COL22A1: variants seen among roughly 807,000 people sequenced by gnomAD.
COL22A1 encodes collagen alpha-1(XXII) chain.
In COL22A1, 221 loss-of-function variants were observed where a neutral mutation model predicts 248.9. The observed-to-expected ratio is 0.89, with a 90% CI of 0.80 to 0.99. COL22A1 has a LOEUF of 0.99. COL22A1 is among the 50% of genes least tolerant of loss of function. The pLI is 0.00. For missense variants in COL22A1, 2,240 were observed against 2,179.0 expected (o/e 1.03, Z -0.56); for synonymous variants, 891 against 793.4 (o/e 1.12, Z -2.07).
rs146632990 is a variant in COL22A1, at chr8:138,597,052, A to G, written c.4366-82T>C. 3 of 1,178,312 alleles carry G rather than the reference A, an allele frequency of 2.5e-6. No homozygotes were observed. In the African/African-American group the frequency reaches 4.5e-5, roughly 18 times the overall value. 73.0% of individuals were successfully genotyped at this position (1,178,312 alleles called of 1,614,324 possible). A position where few individuals can be genotyped will look rare whatever the true frequency, so the allele number is the denominator to read the frequency against. On this transcript the variant is annotated intron_variant, in intron 61 of 64. Transcript: ENST00000303045. ...AACCCTGAGGACTTGGGAAACCAGG[A>G]AGTTCGTAGGTGGTATATACCCACA...
intron 1 of COL22A1, among the ~76,000 whole-genome samples, chr8:138,906,906 G>A (rs1815073337): frequency 6.6e-6 from 1 of 152,144 alleles, no homozygotes; most frequent in Non-Finnish European, 1.5e-5. Flanking sequence ...TTCCGCCTCG[G>A]CCTCCCAAAG....
rs184795941 is a variant in COL22A1, at chr8:138,733,114, C to G, written c.2139+4410G>C. ...AGGCCCAGGCCCACAGCCCACCCAG[C>G]CTCTTCTCGGGCCAAGCCCTCCCCT... On this transcript the variant is annotated intron_variant, in intron 23 of 64. Coordinates refer to ENST00000303045, the MANE Select transcript of COL22A1 (RefSeq NM_152888.3). Among the ~76,000 whole-genome samples, 1,188 of 152,282 alleles carry G rather than the reference C, an allele frequency of 7.8e-3. 19 individuals carry two copies. Among genetic ancestry groups the G allele is most frequent in the African/African-American group, 0.027 (1,133 of 41,548 alleles).
At chr8:138,619,681 A>C (rs1564104913) in intron 52 of COL22A1, among the ~76,000 whole-genome samples, 173 bp from the exon 53 acceptor site, 1 of 152,144 alleles carries the variant, frequency 6.6e-6, no homozygotes, top group Non-Finnish European at 1.5e-5. Flanking sequence ...TCCACCATGT[A>C]TTCAGGCCTA....
intron 41 of COL22A1, among the ~76,000 whole-genome samples, chr8:138,669,885 CTTTTTTTTT>C (rs34714342): frequency 8.2e-6 from 1 of 121,236 alleles, no homozygotes; most frequent in African/African-American, 3.0e-5. Flanking sequence ...ACTCCTAAGA[CTTTTTTTTT>C]TTTTTTTTTT....
rs1827857411 is a variant in COL22A1, at chr8:138,700,376, C to T, written c.2560-232G>A. Among the ~76,000 whole-genome samples, 3 of 152,204 alleles carry T rather than the reference C, an allele frequency of 2.0e-5. No homozygotes were observed. In the South Asian group the frequency reaches 6.2e-4, roughly 32 times the overall value. On this transcript the variant is annotated intron_variant, in intron 31 of 64. Transcript: ENST00000303045. ...ATTCCGGAGCCCTGGAGGCAAAAGA[C>T]CTGAGCTCCAAACCCTGTGTGACCT...
chr8:138,835,537 C>T (rs187733088), intron 4 of COL22A1, among the ~76,000 whole-genome samples: 87 of 152,278 alleles, frequency 5.7e-4, no homozygotes, highest in Middle Eastern at 3.4e-3. Context: ...TTTCCTGACC[C>T]GCCAGCTGCT....
chr8:138,778,224 C>T (rs1305428886), intron 15 of COL22A1, 129 bp downstream of exon 15: 1 of 934,376 alleles, frequency 1.1e-6, no homozygotes, highest in Non-Finnish European at 1.7e-6. Context: ...GAGATACCAA[C>T]ACTTCATTGG....
In COL22A1 at chr8:138,762,396, C is replaced by T. The variant is rs369025357; in HGVS notation, c.1857+17G>A. The T allele has an allele frequency of 4.5e-4, 722 of 1,613,614 alleles. 9 individuals are homozygous for T. In the South Asian group the frequency reaches 6.5e-3, roughly 15 times the overall value. On this transcript the variant is annotated intron_variant, in intron 17 of 64. Transcript: ENST00000303045. Reference sequence around the variant, plus strand: ...CCGCTGATGAAACCTAGCCCAACAGCGCCAGCACCCACCTACCTGCTGTCC... The same window carrying T: ...CCGCTGATGAAACCTAGCCCAACAGTGCCAGCACCCACCTACCTGCTGTCC...
chr8:138,864,123 G>A (rs963405777), intron 3 of COL22A1, among the ~76,000 whole-genome samples: 5 of 151,970 alleles, frequency 3.3e-5, no homozygotes, highest in Non-Finnish European at 5.9e-5. Context: ...TTCCCATTTG[G>A]ACCCCATGCT....
intron 56 of COL22A1, 106 bp downstream of exon 56, chr8:138,613,760 AT>A: frequency 1.8e-6 from 2 of 1,089,116 alleles, no homozygotes; most frequent in Non-Finnish European, 2.9e-6. Flanking sequence ...ACATATTACA[AT>A]TTTTTAACAA....
At chr8:138,902,737 TATACACACACACACACACACAC>T (rs1296138888) in intron 1 of COL22A1, among the ~76,000 whole-genome samples, 16 of 107,062 alleles carry the variant, frequency 1.5e-4, no homozygotes, top group Admixed American at 1.1e-3. Flanking sequence ...TATATATATA[TATACACACACACACACACACAC>T]ACACACACAC....
chr8:138,856,870 T>C (rs1353555313), intron 3 of COL22A1, among the ~76,000 whole-genome samples: 1 of 152,138 alleles, frequency 6.6e-6, no homozygotes, highest in Non-Finnish European at 1.5e-5. Flanking sequence ...CTGGCAGGCA[T>C]GGATAGGCCT....
At chr8:138,853,880 A>C (rs2131915911) in intron 3 of COL22A1, among the ~76,000 whole-genome samples, 1 of 152,300 alleles carries the variant, frequency 6.6e-6, no homozygotes, top group South Asian at 2.1e-4. Flanking sequence ...TTCCAGCCCA[A>C]GTTTGGCTGA....
chr8:138,705,736 T>C (rs1044723607), intron 30 of COL22A1, among the ~76,000 whole-genome samples: 1 of 152,052 alleles, frequency 6.6e-6, no homozygotes, highest in Non-Finnish European at 1.5e-5. Context: ...ATGAGCAAAA[T>C]AACCAGCTAA....
intron 37 of COL22A1, among the ~76,000 whole-genome samples, chr8:138,688,349 C>A (rs187135646): frequency 1.9e-4 from 29 of 151,966 alleles, no homozygotes; most frequent in African/African-American, 5.5e-4. Context: ...GGTAAAACCC[C>A]GTCTCTGCAA....
intron 12 of COL22A1, among the ~76,000 whole-genome samples, chr8:138,785,002 C>A (rs1166107822): frequency 6.6e-6 from 1 of 152,186 alleles, no homozygotes; most frequent in African/African-American, 2.4e-5. Context: ...GCGTTGCTAT[C>A]CTCACCCTAC....
rs1829425478 is a variant in COL22A1 at position 138,716,291 on chromosome 8, T to C, written c.2401-2A>G. The C allele has an allele frequency of 6.3e-7, 1 of 1,582,666 alleles. No individual in the cohort carries two copies. Reference sequence around the variant, plus strand: ...AGCCCCTGGGAGGCCTGCTTCTCCCTGTGAGAACAAAATATTCACAAGGCG... The same window carrying C: ...AGCCCCTGGGAGGCCTGCTTCTCCCCGTGAGAACAAAATATTCACAAGGCG... On this transcript the variant is annotated splice_acceptor_variant, in intron 28 of 64. Transcript: ENST00000303045. LOFTEE classifies it high-confidence loss of function.
chr8:138,837,990 G>A (rs1165495048), intron 4 of COL22A1, among the ~76,000 whole-genome samples: 1 of 152,156 alleles, frequency 6.6e-6, no homozygotes. Context: ...CAGCACCTGG[G>A]AGTTCTTGAG....
chr8:138,840,534 T>TACACAC lies in COL22A1; in HGVS notation c.733+3544_733+3549dup, dbSNP rs34512818. Reference sequence around the variant, plus strand: ...AAAGTCCTGCATTTTCATGTGTGAGTACACACACACACACACACACACACG... The same window carrying TACACAC: ...AAAGTCCTGCATTTTCATGTGTGAGTACACACACACACACACACACACACACACACG... On this transcript the variant is annotated intron_variant, in intron 4 of 64. Coordinates refer to ENST00000303045, the MANE Select transcript of COL22A1 (RefSeq NM_152888.3). Among the ~76,000 whole-genome samples the TACACAC allele has an allele frequency of 8.0e-3, 1,190 of 149,118 alleles. 7 individuals carry two copies. The highest frequency in any genetic ancestry group is 0.024 in the Middle Eastern group (7 of 288).
Sources: gnomAD v4.1 joint callset for allele counts (sites outside exome capture counted in the v4.1 genomes callset) on GRCh38, gnomAD v4.1.1 for gene constraint, MANE v1.5 for transcripts, NCBI Gene and HGNC (gene_info 2026-07-23, HGNC 2026-07-21) for gene names.